The following CPNE4 variants were observed in gnomAD, a reference collection of about 807,000 sequenced individuals.
CPNE4 encodes the protein copine-4.
A neutral mutation model predicts 67.9 loss-of-function variants in CPNE4; 25 were observed. That is an observed-to-expected ratio of 0.37 (90% CI 0.27 to 0.51). The LOEUF (loss-of-function observed/expected upper bound fraction) is 0.51, where lower values mean the gene tolerates loss of function less well. Ranked by LOEUF, CPNE4 falls within the 20% of genes least tolerant of loss-of-function variation. CPNE4 has a pLI of 0.93. For synonymous variants in CPNE4, 242 were observed against 244.9 expected, an observed-to-expected ratio of 0.99 and a Z score of 0.11; for missense variants, 464 against 690.8, an observed-to-expected ratio of 0.67 and a Z score of 3.68.
At position 131,810,522 on chromosome 3, in the gene CPNE4, G is replaced by A. The variant is rs77959236; in HGVS notation, c.181-86897C>T. Among the ~76,000 whole-genome samples the A allele has an allele frequency of 1.8e-4, 28 of 152,068 alleles. No homozygotes were observed. The East Asian group carries it at 2.1e-3, about 12-fold the overall frequency. On this transcript the variant is annotated intron_variant, in intron 2 of 15. Transcript: ENST00000429747. ...GGAAGGCAATCATAGATTAAAAAAA[G>A]GTAAGTGTTAGTTAAGTGTTAGTGA...
intron 2 of CPNE4, among the ~76,000 whole-genome samples, chr3:131,818,306 C>A (rs193150570): frequency 6.6e-6 from 1 of 152,152 alleles, no homozygotes; most frequent in Non-Finnish European, 1.5e-5. Flanking sequence ...AGCTTCACAG[C>A]GTAAGGCTAC....
At chr3:131,806,549 CAAA>C (rs58302207) in intron 2 of CPNE4, among the ~76,000 whole-genome samples, 7 of 72,926 alleles carry the variant, frequency 9.6e-5, no homozygotes, top group African/African-American at 1.4e-4. Context: ...GACTCCGTCT[CAAA>C]AAAAAAAAAA....
chr3:131,809,971 G>A (rs1482297676), intron 2 of CPNE4, among the ~76,000 whole-genome samples: 1 of 152,012 alleles, frequency 6.6e-6, no homozygotes, highest in Non-Finnish European at 1.5e-5. Context: ...GTGGAAGGAA[G>A]AGAATAAGGA....
intron 1 of CPNE4, among the ~76,000 whole-genome samples, chr3:131,916,652 G>T (rs1219078577): frequency 6.6e-6 from 1 of 152,180 alleles, no homozygotes; most frequent in Non-Finnish European, 1.5e-5. Flanking sequence ...CTCTAGTTCA[G>T]CATTGCCCAG....
At chr3:131,565,195 A>T (rs1582808223) in intron 10 of CPNE4, among the ~76,000 whole-genome samples, 1 of 152,134 alleles carries the variant, frequency 6.6e-6, no homozygotes, top group African/African-American at 2.4e-5. Context: ...TCTAAATAAA[A>T]GTTAACCCAG....
At chr3:131,852,473 G>C (rs1183167324) in intron 2 of CPNE4, among the ~76,000 whole-genome samples, 1 of 151,958 alleles carries the variant, frequency 6.6e-6, no homozygotes, top group Non-Finnish European at 1.5e-5. Flanking sequence ...TTAAAACCTA[G>C]TCATGTTAAA....
At chr3:131,834,474 GA>G (rs2085483641) in intron 2 of CPNE4, among the ~76,000 whole-genome samples, 1 of 152,022 alleles carries the variant, frequency 6.6e-6, no homozygotes. Context: ...GGGTGGTGAA[GA>G]AATTCTTCTT....
At chr3:131,993,578 G>A (rs2073223720) in intron 1 of CPNE4, among the ~76,000 whole-genome samples, 1 of 130,820 alleles carries the variant, frequency 7.6e-6, no homozygotes, top group African/African-American at 2.5e-5. Context: ...ACATCCTAAA[G>A]TGCAGCAGAA....
intron 1 of CPNE4, among the ~76,000 whole-genome samples, chr3:132,029,125 A>G (rs1350031966): frequency 1.3e-5 from 2 of 152,130 alleles, no homozygotes; most frequent in Non-Finnish European, 2.9e-5. Context: ...CTGTAGCCCA[A>G]ATTTAAACAA....
chr3:131,764,277 G>A (rs1406406606), intron 2 of CPNE4, among the ~76,000 whole-genome samples: 3 of 148,666 alleles, frequency 2.0e-5, no homozygotes, highest in Non-Finnish European at 1.5e-5. Flanking sequence ...TGTTTTATAG[G>A]AAAAAAAAAA....
rs2071190831 is a variant in CPNE4 at position 131,935,294 on chromosome 3, G to C, written c.-1-29850C>G. Among the ~76,000 whole-genome samples the C allele has an allele frequency of 2.0e-5, 3 of 152,078 alleles. No individual in the cohort carries two copies. The South Asian group carries it at 6.2e-4, about 32-fold the overall frequency. ...AAGGCCATGGTATATTATCTGGATA[G>C]AATAAAAATGAAACAGGAAGGGGCT... On this transcript the variant is annotated intron_variant, in intron 1 of 15. Coordinates refer to ENST00000429747, the MANE Select transcript of CPNE4 (RefSeq NM_130808.3).
intron 1 of CPNE4, among the ~76,000 whole-genome samples, chr3:131,950,506 C>T (rs1382161057): frequency 1.3e-5 from 2 of 152,130 alleles, no homozygotes; most frequent in African/African-American, 2.4e-5. Flanking sequence ...AGAGTTTTGC[C>T]TTGTTCAACC....
intron 3 of CPNE4, among the ~76,000 whole-genome samples, chr3:131,714,308 G>C (rs909120160): frequency 4.6e-5 from 7 of 152,100 alleles, no homozygotes; most frequent in African/African-American, 1.7e-4. Context: ...CACTGTGCCT[G>C]ACATAATCCT....
At chr3:131,666,994 TAAG>T (rs1051250759) in intron 7 of CPNE4, among the ~76,000 whole-genome samples, 2 of 152,224 alleles carry the variant, frequency 1.3e-5, no homozygotes, top group African/African-American at 4.8e-5. Flanking sequence ...TTAGCATTCT[TAAG>T]AATAATGTTT....
chr3:131,556,492 G>A (rs1472905651), intron 11 of CPNE4, among the ~76,000 whole-genome samples: 1 of 152,030 alleles, frequency 6.6e-6, no homozygotes, highest in African/African-American at 2.4e-5. Context: ...GTGATAAGTT[G>A]TTTACATGTC....
chr3:131,635,235 T>C (rs1219279418), intron 7 of CPNE4, among the ~76,000 whole-genome samples: 1 of 152,160 alleles, frequency 6.6e-6, no homozygotes, highest in Admixed American at 6.5e-5. Context: ...TTAACACCCA[T>C]CATAAACAGA....
intron 1 of CPNE4, among the ~76,000 whole-genome samples, chr3:131,957,499 G>A (rs905629643): frequency 1.3e-5 from 2 of 152,202 alleles, no homozygotes; most frequent in African/African-American, 4.8e-5. Flanking sequence ...CCAGGGGAGT[G>A]TACAGAGGGT....
At chr3:131,819,431 C>A (rs1054930746) in intron 2 of CPNE4, among the ~76,000 whole-genome samples, 1 of 151,582 alleles carries the variant, frequency 6.6e-6, no homozygotes, top group African/African-American at 2.4e-5. Flanking sequence ...AAACCAAGAC[C>A]CTTCCCCAGT....
chr3:131,785,391 C>G (rs934076745), intron 2 of CPNE4, among the ~76,000 whole-genome samples: 2 of 152,034 alleles, frequency 1.3e-5, no homozygotes, highest in Admixed American at 6.6e-5. Context: ...CCCTCACCTC[C>G]TTCATGTTTC....
Sources: allele counts gnomAD v4.1 joint callset (sites outside exome capture counted in the v4.1 genomes callset), GRCh38; gene constraint gnomAD v4.1.1; transcripts MANE v1.5; gene names NCBI Gene and HGNC (gene_info 2026-07-23, HGNC 2026-07-21).